Variants in ABI1 observed in about 807,000 individuals in gnomAD.
ABI1 encodes Abelson interactor 1.
In ABI1, 14 loss-of-function variants were observed where a neutral mutation model predicts 54.6. The ratio of observed to expected loss-of-function variants is 0.26; its 90% CI spans 0.17 to 0.40. The LOEUF (loss-of-function observed/expected upper bound fraction) is 0.40. Ranked by LOEUF, ABI1 falls within the 10% of genes least tolerant of loss-of-function variation. The pLI, the probability that ABI1 is intolerant of heterozygous loss-of-function variation, is 1.00. For missense variants in ABI1, 443 were observed against 598.3 expected (o/e 0.74, Z 2.71); for synonymous variants, 194 against 209.3 (o/e 0.93, Z 0.63).
intron 1 of ABI1, chr10:26,839,919 CT>C (rs2049367277): frequency 1.7e-6 from 1 of 588,672 alleles, no homozygotes; most frequent in Non-Finnish European, 3.0e-6. Context: ...GAACCCAGGA[CT>C]TTGGGACCAC....
intron 2 of ABI1, among the ~76,000 whole-genome samples, chr10:26,794,661 A>G (rs1417215687): frequency 2.0e-5 from 3 of 151,836 alleles, no homozygotes; most frequent in Non-Finnish European, 4.4e-5. Flanking sequence ...TAAATGAAGC[A>G]ATATATAGAA....
intron 1 of ABI1, among the ~76,000 whole-genome samples, chr10:26,829,173 C>G (rs968947682): frequency 8.6e-5 from 13 of 151,678 alleles, no homozygotes; most frequent in Non-Finnish European, 1.5e-4. Flanking sequence ...TTGCAGTGAG[C>G]CCAGATCGCG....
chr10:26,767,603 T>C (rs1052314979), intron 6 of ABI1, among the ~76,000 whole-genome samples: 1 of 152,172 alleles, frequency 6.6e-6, no homozygotes, highest in Non-Finnish European at 1.5e-5. Context: ...TAATGTTCCA[T>C]TTTCTGATCT....
At chr10:26,784,537 T>A (rs1420684547) in intron 2 of ABI1, among the ~76,000 whole-genome samples, 6 of 144,394 alleles carry the variant, frequency 4.2e-5, no homozygotes, top group Non-Finnish European at 6.1e-5. Flanking sequence ...AGGTCCCACA[T>A]AACTGGGGAG....
chr10:26,786,916 G>A (rs1485437128), intron 2 of ABI1, among the ~76,000 whole-genome samples: 6 of 152,130 alleles, frequency 3.9e-5, no homozygotes, highest in Non-Finnish European at 7.3e-5. Context: ...ATATTTCAAT[G>A]GTACCTTAAA....
chr10:26,762,223 G>C (rs1392268233), intron 7 of ABI1, among the ~76,000 whole-genome samples: 1 of 152,072 alleles, frequency 6.6e-6, no homozygotes, highest in Non-Finnish European at 1.5e-5. Context: ...TGCCCAGGCT[G>C]GTCTTGAACT....
At chr10:26,817,415 T>C (rs994927388) in intron 2 of ABI1, among the ~76,000 whole-genome samples, 1 of 152,198 alleles carries the variant, frequency 6.6e-6, no homozygotes, top group African/African-American at 2.4e-5. Flanking sequence ...AAAATTATTT[T>C]AGCAAAGTTC....
intron 2 of ABI1, among the ~76,000 whole-genome samples, chr10:26,795,365 T>C (rs952266951): frequency 6.6e-6 from 1 of 152,040 alleles, no homozygotes; most frequent in South Asian, 2.1e-4. Flanking sequence ...AATAAAAAAA[T>C]TTATTTAACA....
intron 2 of ABI1, among the ~76,000 whole-genome samples, chr10:26,792,451 AAGCC>A (rs1843593689): frequency 6.6e-6 from 1 of 152,198 alleles, no homozygotes; most frequent in Non-Finnish European, 1.5e-5. Flanking sequence ...GGGACAGCAT[AAGCC>A]AGGGAAAAGA....
At chr10:26,778,498 G>GAA (rs79625616) in intron 2 of ABI1, among the ~76,000 whole-genome samples, 39 of 76,138 alleles carry the variant, frequency 5.1e-4, no homozygotes, top group African/African-American at 1.7e-3. Flanking sequence ...GTAGGAAAAA[G>GAA]AAAAAAAAAA....
chr10:26,818,543 G>A (rs1054925435), intron 2 of ABI1, among the ~76,000 whole-genome samples: 2 of 150,768 alleles, frequency 1.3e-5, no homozygotes, highest in African/African-American at 4.9e-5. Context: ...CTGGGAAGGT[G>A]GGGTGGGGGA....
At chr10:26,827,225 CT>C (rs199833168) in intron 1 of ABI1, among the ~76,000 whole-genome samples, 1 of 146,880 alleles carries the variant, frequency 6.8e-6, no homozygotes, top group African/African-American at 2.5e-5. Context: ...GTTTGACCTT[CT>C]TTTTTTTTAT....
chr10:26,815,159 G>A (rs1344707122), intron 2 of ABI1, among the ~76,000 whole-genome samples: 2 of 152,028 alleles, frequency 1.3e-5, no homozygotes. Context: ...ATTTGGAAGA[G>A]CAAGGAAATA....
intron 2 of ABI1, among the ~76,000 whole-genome samples, chr10:26,801,352 G>A (rs1442906367): frequency 6.6e-6 from 1 of 152,080 alleles, no homozygotes; most frequent in Admixed American, 6.5e-5. Context: ...TTTGAGACCA[G>A]CCTGGGCAAT....
intron 2 of ABI1, among the ~76,000 whole-genome samples, chr10:26,802,703 T>C (rs1390874708): frequency 1.3e-5 from 2 of 152,098 alleles, no homozygotes; most frequent in Non-Finnish European, 1.5e-5. Flanking sequence ...TGGGAGAGAT[T>C]ACAACAATGT....
At chr10:26,830,828 C>T (rs2048622079) in intron 1 of ABI1, among the ~76,000 whole-genome samples, 1 of 152,080 alleles carries the variant, frequency 6.6e-6, no homozygotes, top group Admixed American at 6.6e-5. Flanking sequence ...ATTTTGCTAT[C>T]AAATCATAAT....
At chr10:26,770,679 C>T (rs1324637) in intron 4 of ABI1, 283,910 of 550,076 alleles carry the variant, frequency 0.52, 78,399 homozygotes, top group African/African-American at 0.85. Flanking sequence ...TGCATGAACA[C>T]AAACTATAGA....
chr10:26,765,156 C>T, intron 7 of ABI1, 62 bp downstream of exon 7: 16 of 1,175,208 alleles, frequency 1.4e-5, no homozygotes, highest in Non-Finnish European at 1.9e-5. Context: ...TTTATTTCAG[C>T]CTTCCACAAT....
At chr10:26,760,604 T>C (rs1838996636) in intron 7 of ABI1, among the ~76,000 whole-genome samples, 1 of 152,164 alleles carries the variant, frequency 6.6e-6, no homozygotes, top group South Asian at 2.1e-4. Flanking sequence ...AATAAGCCTT[T>C]AAGGGCCAGG....
Sources: gnomAD v4.1 joint callset for allele counts (sites outside exome capture counted in the v4.1 genomes callset) on GRCh38, gnomAD v4.1.1 for gene constraint, MANE v1.5 for transcripts, NCBI Gene and HGNC (gene_info 2026-07-23, HGNC 2026-07-21) for gene names.